The following ARSG variants were observed in gnomAD, a reference collection of about 807,000 sequenced individuals.
ARSG encodes the protein arylsulfatase G, also known as ASG.
Under a neutral mutation model 50.5 loss-of-function variants are expected in ARSG, and 37 were observed. The observed-to-expected ratio is 0.73, with a 90% CI of 0.56 to 0.96. The LOEUF is 0.96. Among genes scored for constraint, ARSG ranks in the 50% least tolerant of loss-of-function variants. The pLI is 0.00. For synonymous variants in ARSG, 225 were observed against 254.6 expected (o/e 0.88, Z 1.11); for missense variants, 629 against 675.3 (o/e 0.93, Z 0.76).
At chr17:68,276,252 C>G (rs1405369701) in intron 1 of ARSG, among the ~76,000 whole-genome samples, 1 of 151,770 alleles carries the variant, frequency 6.6e-6, no homozygotes, top group African/African-American at 2.4e-5. Context: ...CACCACCACA[C>G]CCGGCTAACG....
rs374993622 is a variant in ARSG, at chr17:68,271,572, G to A, written c.-552+12146G>A. ...TAAAGATGGGTCTGAGCAGTGCTCCGAAGATGACAATGTTTAACTGTAGTA... is the reference window on the plus strand; with the variant it reads ...TAAAGATGGGTCTGAGCAGTGCTCCAAAGATGACAATGTTTAACTGTAGTA... On this transcript the variant is annotated intron_variant, in intron 1 of 11. Transcript: ENST00000448504. This position sits in a 1 kb window ranked among gnomAD's most constrained non-coding sequence, Gnocchi z 5.3. The A allele has an allele frequency of 9.4e-5, 151 of 1,614,180 alleles. No homozygotes were observed. Among genetic ancestry groups the A allele is most frequent in the Middle Eastern group, 1.6e-4 (1 of 6,062 alleles).
At chr17:68,315,313 G>A (rs868995614) in intron 2 of ARSG, among the ~76,000 whole-genome samples, 2 of 152,036 alleles carry the variant, frequency 1.3e-5, no homozygotes, top group East Asian at 1.9e-4. Context: ...AGATCGAGGC[G>A]GAAGGATTGC....
intron 1 of ARSG, among the ~76,000 whole-genome samples, chr17:68,279,907 C>T (rs76497854): frequency 6.8e-4 from 103 of 152,136 alleles, no homozygotes; most frequent in East Asian, 6.8e-3. Context: ...TATGGCTGGG[C>T]GCGGTGGCTC....
At chr17:68,402,863 T>C (rs1285635468) in intron 11 of ARSG, among the ~76,000 whole-genome samples, 1 of 152,216 alleles carries the variant, frequency 6.6e-6, no homozygotes. Flanking sequence ...AATTTGGAAC[T>C]CTTTCAGCAC....
At chr17:68,312,586 C>T (rs541079893) in intron 2 of ARSG, among the ~76,000 whole-genome samples, 86 of 152,178 alleles carry the variant, frequency 5.7e-4, no homozygotes, top group Admixed American at 4.3e-3. Flanking sequence ...GGGTCAGATG[C>T]CAAATGTGGT....
At chr17:68,320,762 G>T (rs2077251956) in intron 2 of ARSG, among the ~76,000 whole-genome samples, 1 of 152,280 alleles carries the variant, frequency 6.6e-6, no homozygotes, top group Admixed American at 6.5e-5. Context: ...GGCCCACCTG[G>T]GTGGCTGGAA....
chr17:68,411,914 T>A (rs1349317352), intron 11 of ARSG, among the ~76,000 whole-genome samples: 4 of 151,702 alleles, frequency 2.6e-5, no homozygotes, highest in African/African-American at 9.7e-5. Context: ...TGGTTTAAAG[T>A]CTGTTTTATC....
chr17:68,278,363 A>G (rs1412703604), intron 1 of ARSG: 2 of 1,382,722 alleles, frequency 1.4e-6, no homozygotes, highest in African/African-American at 1.4e-5. Flanking sequence ...CAGATCAGCA[A>G]TAGCATGAGG....
intron 2 of ARSG, among the ~76,000 whole-genome samples, chr17:68,324,958 AATTATC>A: frequency 6.6e-6 from 1 of 152,004 alleles, no homozygotes; most frequent in South Asian, 2.1e-4. Context: ...TACATAATGA[AATTATC>A]CACCTCCCTC....
chr17:68,351,794 G>A (rs1599838978), intron 5 of ARSG, 108 bp downstream of exon 5: 4 of 743,704 alleles, frequency 5.4e-6, no homozygotes, highest in Non-Finnish European at 7.2e-6. Flanking sequence ...AGTTAAGACG[G>A]CAAATAAGAT....
intron 11 of ARSG, among the ~76,000 whole-genome samples, chr17:68,419,942 A>G (rs964799881): frequency 6.6e-6 from 1 of 152,168 alleles, no homozygotes; most frequent in Non-Finnish European, 1.5e-5. Context: ...CTGGGCAACG[A>G]AGCCAGACCC....
the ARSG span, among the ~76,000 whole-genome samples, chr17:68,442,935 G>A: frequency 6.6e-6 from 1 of 152,166 alleles, no homozygotes; most frequent in East Asian, 1.9e-4. Context: ...AAGAATGTCT[G>A]CAATAGATAC....
downstream of ARSG, chr17:68,426,253 G>GGGGGTGGGGGT: frequency 1.2e-6 from 1 of 841,018 alleles, no homozygotes; most frequent in East Asian, 3.4e-5. Flanking sequence ...GGGGAGCGGG[G>GGGGGTGGGGGT]GCTCAAATAA....
At chr17:68,354,022 C>CTTTTTTTTTTTTTTTTTTTTT (rs1239565009) in intron 5 of ARSG, among the ~76,000 whole-genome samples, 1 of 93,812 alleles carries the variant, frequency 1.1e-5, no homozygotes, top group African/African-American at 3.8e-5. Flanking sequence ...TCTTCTTGTT[C>CTTTTTTTTTTTTTTTTTTTTT]TTTTTTTTTT....
downstream of ARSG, chr17:68,424,436 C>T: frequency 1.9e-6 from 1 of 534,746 alleles, no homozygotes. Flanking sequence ...CAGACCTGCA[C>T]TCCATCCTTT....
chr17:68,405,132 T>A (rs2081651166), intron 11 of ARSG, among the ~76,000 whole-genome samples: 2 of 139,998 alleles, frequency 1.4e-5, no homozygotes, highest in Non-Finnish European at 3.0e-5. Context: ...GCTTTGGGCT[T>A]TTTTTTTTTT....
At chr17:68,369,005 G>A (rs1329786842) in intron 7 of ARSG, among the ~76,000 whole-genome samples, 1 of 152,234 alleles carries the variant, frequency 6.6e-6, no homozygotes, top group Middle Eastern at 3.2e-3. Flanking sequence ...GGCTATCTGG[G>A]TATTGCTCTT....
intron 2 of ARSG, among the ~76,000 whole-genome samples, chr17:68,317,065 C>T (rs531360698): frequency 6.6e-6 from 1 of 152,190 alleles, no homozygotes; most frequent in East Asian, 1.9e-4. Context: ...AACCTGGTTG[C>T]AGGAGATGTG....
At chr17:68,426,254 G>GGGGGCCCCCCCCCCCCCC, downstream of ARSG, 1 of 816,916 alleles carries the variant, frequency 1.2e-6, no homozygotes. Context: ...GGGAGCGGGG[G>GGGGGCCCCCCCCCCCCCC]CTCAAATAAA....
Sources: gnomAD v4.1 joint callset for allele counts (sites outside exome capture counted in the v4.1 genomes callset) on GRCh38, gnomAD v4.1.1 for gene constraint, Gnocchi (gnomAD v3.1) non-coding constraint, MANE v1.5 for transcripts, NCBI Gene and HGNC (gene_info 2026-07-23, HGNC 2026-07-21) for gene names.